The following ARAP2 variants were observed in gnomAD, a reference collection of about 807,000 sequenced individuals.
The protein encoded by ARAP2 is arf-GAP with Rho-GAP domain, ANK repeat and PH domain-containing protein 2.
ARAP2 carries 148 observed loss-of-function variants against 194.5 expected under a neutral mutation model. The observed-to-expected ratio is 0.76, with a 90% CI of 0.67 to 0.87. The LOEUF is 0.87. Ranked by LOEUF, ARAP2 falls within the 40% of genes least tolerant of loss-of-function variation. The pLI is 0.00. For synonymous variants in ARAP2, 695 were observed against 683.5 expected (o/e 1.02, Z -0.26); for missense variants, 2,128 against 1,989.7 (o/e 1.07, Z -1.32).
At chr4:36,012,881 AATC>A (rs1714805639) in intron 8 of ARAP2, 1 of 152,210 alleles carries the variant, frequency 6.6e-6, no homozygotes, top group South Asian at 2.1e-4. Context: ...AGCTCTGTAA[AATC>A]ATCATGAGAA....
chr4:36,098,719 T>C (rs1638663226), intron 27 of ARAP2, among the ~76,000 whole-genome samples: 1 of 152,110 alleles, frequency 6.6e-6, no homozygotes, highest in South Asian at 2.1e-4. Context: ...TCCTGTTTTC[T>C]TTGATTCTGT....
At chr4:36,220,082 T>C (rs1748816411) in intron 2 of ARAP2, among the ~76,000 whole-genome samples, 1 of 152,236 alleles carries the variant, frequency 6.6e-6, no homozygotes. Context: ...CTAAGGCAAG[T>C]ACTTACTACT....
chr4:36,011,943 C>A (rs1714648584), intron 9 of ARAP2, among the ~76,000 whole-genome samples: 1 of 151,980 alleles, frequency 6.6e-6, no homozygotes, highest in Admixed American at 6.6e-5. Flanking sequence ...GATAATAATG[C>A]ATTATTATTT....
intron 6 of ARAP2, among the ~76,000 whole-genome samples, chr4:36,202,277 TAG>T (rs1343000945): frequency 6.6e-6 from 1 of 152,158 alleles, no homozygotes; most frequent in Non-Finnish European, 1.5e-5. Flanking sequence ...CAAAATATTT[TAG>T]AGAGAGAAAG....
chr4:36,121,108 C>T, intron 23 of ARAP2, 71 bp downstream of exon 23: 1 of 1,198,706 alleles, frequency 8.3e-7, no homozygotes, highest in Non-Finnish European at 1.1e-6. Context: ...TAACACCCTA[C>T]AACATAAATA....
At chr4:36,064,175 T>G (rs554114328), downstream of ARAP2, among the ~76,000 whole-genome samples, 18 of 144,572 alleles carry the variant, frequency 1.2e-4, no homozygotes, top group Non-Finnish European at 2.5e-4. Flanking sequence ...TTTGAGCACT[T>G]TGAGTGCTTT....
chr4:36,204,903 G>A (rs1745193158), intron 6 of ARAP2, among the ~76,000 whole-genome samples: 1 of 142,068 alleles, frequency 7.0e-6, no homozygotes, highest in Non-Finnish European at 1.5e-5. Flanking sequence ...GCAGAGAACT[G>A]CTTGAACCCA....
Position 36,119,736 on chromosome 4 carries a change from C to T in ARAP2, c.3895-18G>A, listed in dbSNP as rs367990803. The stretch of plus-strand genomic sequence containing the variant: ...TCTTTAACCTGTTTAAAATATAATT[C>T]GGGACATTCTAATAATGTAGAATAC... On this transcript the variant is annotated intron_variant, in intron 23 of 32. Transcript: ENST00000303965. The T allele has an allele frequency of 1.8e-5, 28 of 1,536,926 alleles. No homozygotes were observed. The highest frequency in any genetic ancestry group is 1.7e-4 in the Middle Eastern group (1 of 5,888).
At chr4:36,205,192 G>A (rs536488495) in intron 6 of ARAP2, among the ~76,000 whole-genome samples, 1 of 151,726 alleles carries the variant, frequency 6.6e-6, no homozygotes, top group Non-Finnish European at 1.5e-5. Context: ...TATTTTAAAA[G>A]GATAATAGGA....
rs1404674754 is a variant in ARAP2 at position 36,147,225 on chromosome 4, T to C, written c.3263+71A>G. Reference sequence around the variant, plus strand: ...TAAAATATTGTTTTCTCCCTCAAGATAATAACAAAAAACAAAATCCCGCTG... The same window carrying C: ...TAAAATATTGTTTTCTCCCTCAAGACAATAACAAAAAACAAAATCCCGCTG... On this transcript the variant is annotated intron_variant, in intron 19 of 32. Transcript: ENST00000303965. The C allele has an allele frequency of 2.9e-6, 4 of 1,378,152 alleles. No individual in the cohort carries two copies. The African/African-American group carries it at 5.8e-5, about 20-fold the overall frequency. The allele number at this position is 1,378,152 out of a possible 1,614,324, so 85.4% of individuals were successfully genotyped here.
In ARAP2 at chr4:36,212,498, A is replaced by T. The variant is rs1746978316; in HGVS notation, c.1042-11T>A. On this transcript the variant is annotated splice_polypyrimidine_tract_variant and intron_variant, in intron 4 of 32. Transcript: ENST00000303965. ...CTTTATAGATCGCTTCTATTAAAAA[A>T]GCAAACAAACAAAAAACACATACTG... The T allele has an allele frequency of 6.2e-7, 1 of 1,603,206 alleles. No homozygotes were observed. Among genetic ancestry groups the T allele is most frequent in the African/African-American group, 1.3e-5 (1 of 74,668 alleles).
chr4:36,106,649 A>C (rs1718486339), intron 27 of ARAP2, among the ~76,000 whole-genome samples: 1 of 151,936 alleles, frequency 6.6e-6, no homozygotes, highest in African/African-American at 2.4e-5. Flanking sequence ...TAGGAGGAAC[A>C]CCAATCAGTT....
At chr4:36,119,227 T>C (rs1722101652) in intron 24 of ARAP2, among the ~76,000 whole-genome samples, 2 of 151,488 alleles carry the variant, frequency 1.3e-5, no homozygotes, top group African/African-American at 4.8e-5. Flanking sequence ...ATTAATACAA[T>C]CATATGAAAG....
At chr4:36,112,602 G>A (rs527241624) in intron 26 of ARAP2, among the ~76,000 whole-genome samples, 1 of 151,672 alleles carries the variant, frequency 6.6e-6, no homozygotes, top group South Asian at 2.1e-4. Context: ...TGTCACCCTT[G>A]TACCACAGGG....
rs148210278 is a variant in ARAP2, at chr4:36,100,188, G to A, written c.4285+7377C>T. Among the ~76,000 whole-genome samples, 62 of 152,158 alleles carry A rather than the reference G, an allele frequency of 4.1e-4. 1 individual carries two copies. The highest frequency in any genetic ancestry group is 3.7e-3 in the Admixed American group (56 of 15,258). On this transcript the variant is annotated intron_variant, in intron 27 of 32. Coordinates refer to ENST00000303965, the MANE Select transcript of ARAP2 (RefSeq NM_015230.4). ...TGTAAGTAGCAGTAACCCTAAGACAGTAGGAAGATGACATAAAATAATGTA... is the reference window on the plus strand; with the variant it reads ...TGTAAGTAGCAGTAACCCTAAGACAATAGGAAGATGACATAAAATAATGTA...
At chr4:36,063,160 T>G (rs1724735685), downstream of ARAP2, among the ~76,000 whole-genome samples, 1 of 152,194 alleles carries the variant, frequency 6.6e-6, no homozygotes, top group African/African-American at 2.4e-5. Flanking sequence ...CTTAACTAAC[T>G]CTGTGATTAA....
intron 5 of ARAP2, among the ~76,000 whole-genome samples, chr4:36,024,281 C>T (rs1717526056): frequency 6.6e-6 from 1 of 152,138 alleles, no homozygotes; most frequent in African/African-American, 2.4e-5. Context: ...AATGACATTG[C>T]ATACCTGTAT....
intron 27 of ARAP2, among the ~76,000 whole-genome samples, chr4:36,094,127 C>T (rs1714527169): frequency 6.6e-6 from 1 of 152,076 alleles, no homozygotes; most frequent in Non-Finnish European, 1.5e-5. Flanking sequence ...TGGCTGCAGG[C>T]CAAATCCAAC....
intron 19 of ARAP2, among the ~76,000 whole-genome samples, chr4:36,140,031 G>A (rs1727870058): frequency 6.6e-6 from 1 of 151,028 alleles, no homozygotes; most frequent in African/African-American, 2.4e-5. Flanking sequence ...TCCACCTCTT[G>A]GACTACCTTA....
Sources: gnomAD v4.1 joint callset for allele counts (sites outside exome capture counted in the v4.1 genomes callset) on GRCh38, gnomAD v4.1.1 for gene constraint, MANE v1.5 for transcripts, NCBI Gene and HGNC (gene_info 2026-07-23, HGNC 2026-07-21) for gene names.